Variants in GRIA4 observed in about 807,000 individuals in gnomAD.
GRIA4 encodes glutamate receptor 4.
In GRIA4, 34 loss-of-function variants were observed where a neutral mutation model predicts 104.0. That is an observed-to-expected ratio of 0.33 (90% CI 0.25 to 0.44). The LOEUF is 0.44. Among genes scored for constraint, GRIA4 ranks in the 20% least tolerant of loss-of-function variants. The pLI, the probability that GRIA4 is intolerant of heterozygous loss-of-function variation, is 1.00. For missense variants in GRIA4, 750 were observed against 1,096.5 expected (o/e 0.68, Z 4.46); for synonymous variants, 386 against 381.9 (o/e 1.01, Z -0.13).
intron 4 of GRIA4, among the ~76,000 whole-genome samples, chr11:105,853,909 A>C (rs1224503030): frequency 1.3e-5 from 2 of 152,144 alleles, no homozygotes; most frequent in African/African-American, 2.4e-5. Context: ...CATTTCCACT[A>C]TATCAAACTA....
At chr11:105,941,558 ATTT>A (rs776863380) in intron 14 of GRIA4, among the ~76,000 whole-genome samples, 1 of 151,584 alleles carries the variant, frequency 6.6e-6, no homozygotes, top group Non-Finnish European at 1.5e-5. Flanking sequence ...GCTTTCTTTA[ATTT>A]TTTTTTAATT....
chr11:105,811,412 G>A (rs1943167217), intron 4 of GRIA4, among the ~76,000 whole-genome samples: 2 of 152,010 alleles, frequency 1.3e-5, no homozygotes, highest in Admixed American at 1.3e-4. Flanking sequence ...TTTTGGCGTG[G>A]CAAGTCCCAA....
chr11:105,975,192 A>G (rs925591458), intron 16 of GRIA4, among the ~76,000 whole-genome samples: 4 of 152,206 alleles, frequency 2.6e-5, no homozygotes, highest in Non-Finnish European at 5.9e-5. Context: ...ACTACAATTC[A>G]CATTTATTAG....
chr11:105,728,676 T>G (rs1301708550), intron 3 of GRIA4, among the ~76,000 whole-genome samples: 1 of 152,062 alleles, frequency 6.6e-6, no homozygotes, highest in East Asian at 1.9e-4. Flanking sequence ...TGCAATCAAA[T>G]TAGAACTCAG....
intron 14 of GRIA4, among the ~76,000 whole-genome samples, chr11:105,941,675 A>C (rs1185243521): frequency 2.0e-5 from 3 of 152,160 alleles, no homozygotes; most frequent in African/African-American, 7.2e-5. Context: ...AGTTAGCCAG[A>C]ATAAGAATTC....
At chr11:105,772,064 C>T (rs1299279612) in intron 4 of GRIA4, among the ~76,000 whole-genome samples, 1 of 152,002 alleles carries the variant, frequency 6.6e-6, no homozygotes, top group African/African-American at 2.4e-5. Context: ...ATTTCATAGC[C>T]ACCTCCTCTT....
intron 4 of GRIA4, among the ~76,000 whole-genome samples, chr11:105,835,244 T>G (rs1284138186): frequency 6.6e-6 from 1 of 152,034 alleles, no homozygotes; most frequent in Non-Finnish European, 1.5e-5. Flanking sequence ...ATTTTCTTCA[T>G]CAGTTAAAAT....
At chr11:105,818,981 C>T (rs1423106683) in intron 4 of GRIA4, among the ~76,000 whole-genome samples, 1 of 152,096 alleles carries the variant, frequency 6.6e-6, no homozygotes, top group Non-Finnish European at 1.5e-5. Flanking sequence ...ACCTTTTATA[C>T]AAGGAAATCA....
chr11:105,657,367 A>G (rs1225941493), intron 3 of GRIA4, among the ~76,000 whole-genome samples: 1 of 152,038 alleles, frequency 6.6e-6, no homozygotes, highest in Non-Finnish European at 1.5e-5. Context: ...CCAAAAACCT[A>G]CTGAAATAAA....
chr11:105,688,176 A>G (rs1307071938), intron 3 of GRIA4, among the ~76,000 whole-genome samples: 1 of 151,436 alleles, frequency 6.6e-6, no homozygotes, highest in African/African-American at 2.4e-5. Flanking sequence ...CTATCTATCT[A>G]TCTATCTATC....
chr11:105,786,854 T>C (rs946164880), intron 4 of GRIA4, among the ~76,000 whole-genome samples: 1 of 152,160 alleles, frequency 6.6e-6, no homozygotes, highest in Non-Finnish European at 1.5e-5. Context: ...ATAATGCATC[T>C]TGGACTTTCA....
intron 4 of GRIA4, among the ~76,000 whole-genome samples, chr11:105,844,066 G>A (rs1944489095): frequency 6.6e-6 from 1 of 152,206 alleles, no homozygotes; most frequent in Non-Finnish European, 1.5e-5. Flanking sequence ...TGATATCCTA[G>A]TGTAATCTTA....
At chr11:105,728,956 G>A (rs938145716) in intron 3 of GRIA4, among the ~76,000 whole-genome samples, 3 of 152,054 alleles carry the variant, frequency 2.0e-5, no homozygotes, top group African/African-American at 7.2e-5. Flanking sequence ...AGAGAAGCAA[G>A]AGCAAACAAA....
intron 4 of GRIA4, among the ~76,000 whole-genome samples, chr11:105,823,247 CT>C (rs1228366283): frequency 1.3e-5 from 2 of 152,090 alleles, no homozygotes; most frequent in Non-Finnish European, 2.9e-5. Context: ...CTAGTTCTGA[CT>C]TATGGAACAC....
chr11:105,795,188 A>G (rs1008377747), intron 4 of GRIA4, among the ~76,000 whole-genome samples: 6 of 152,164 alleles, frequency 3.9e-5, no homozygotes, highest in Non-Finnish European at 7.4e-5. Context: ...GTTCTGAGAA[A>G]AGAACTACAG....
intron 16 of GRIA4, among the ~76,000 whole-genome samples, chr11:105,978,798 A>G (rs1293352185): frequency 6.6e-6 from 1 of 152,214 alleles, no homozygotes; most frequent in Non-Finnish European, 1.5e-5. Flanking sequence ...GACTAACATA[A>G]TAACAGTGCC....
chr11:105,793,442 A>G (rs1942307132), intron 4 of GRIA4, among the ~76,000 whole-genome samples: 1 of 152,202 alleles, frequency 6.6e-6, no homozygotes, highest in African/African-American at 2.4e-5. Context: ...AGAGACCCAT[A>G]GAATCCCACA....
At chr11:105,801,046 A>G (rs746078726) in intron 4 of GRIA4, among the ~76,000 whole-genome samples, 2 of 151,942 alleles carry the variant, frequency 1.3e-5, no homozygotes, top group Non-Finnish European at 1.5e-5. Flanking sequence ...TTATCACAAT[A>G]GAAACATTAA....
At chr11:105,755,687 G>A (rs1009284938) in intron 4 of GRIA4, among the ~76,000 whole-genome samples, 2 of 152,210 alleles carry the variant, frequency 1.3e-5, no homozygotes, top group African/African-American at 4.8e-5. Context: ...CTCAGCACTT[G>A]AAGTGGTAGA....
Sources: gnomAD v4.1 joint callset for allele counts (sites outside exome capture counted in the v4.1 genomes callset) on GRCh38, gnomAD v4.1.1 for gene constraint, MANE v1.5 for transcripts, NCBI Gene and HGNC (gene_info 2026-07-23, HGNC 2026-07-21) for gene names.